ALCAM: variants seen among roughly 807,000 people sequenced by gnomAD.
ALCAM encodes CD166 antigen.
A neutral mutation model predicts 70.9 loss-of-function variants in ALCAM; 30 were observed. The ratio of observed to expected loss-of-function variants is 0.42; its 90% CI spans 0.32 to 0.57. ALCAM has a LOEUF of 0.57. Ranked by LOEUF, ALCAM falls within the 20% of genes least tolerant of loss-of-function variation. ALCAM has a pLI of 0.11. For missense variants in ALCAM, 591 were observed against 695.1 expected (o/e 0.85, Z 1.68); for synonymous variants, 249 against 242.5 (o/e 1.03, Z -0.25).
intron 6 of ALCAM, among the ~76,000 whole-genome samples, chr3:105,537,483 G>C (rs1242766476): frequency 6.6e-6 from 1 of 152,042 alleles, no homozygotes. Flanking sequence ...ATTGCAGTAT[G>C]CCTTGAGTTC....
intron 1 of ALCAM, among the ~76,000 whole-genome samples, chr3:105,409,262 C>T (rs1037215891): frequency 1.1e-4 from 17 of 151,996 alleles, no homozygotes; most frequent in Non-Finnish European, 2.4e-4. Flanking sequence ...TATAGCAGCA[C>T]AATTTACAAT....
At chr3:105,436,224 A>C (rs1476137089) in intron 1 of ALCAM, among the ~76,000 whole-genome samples, 1 of 152,212 alleles carries the variant, frequency 6.6e-6, no homozygotes, top group East Asian at 1.9e-4. Flanking sequence ...AAACCATATT[A>C]GTTTGGTTTT....
chr3:105,525,130 C>A (rs547691239), intron 3 of ALCAM: 400 of 981,582 alleles, frequency 4.1e-4, no homozygotes, highest in Non-Finnish European at 4.7e-4. Context: ...AAAAAGTATT[C>A]ACTTGCTTTA....
chr3:105,424,590 G>A (rs1016035950), intron 1 of ALCAM, among the ~76,000 whole-genome samples: 13 of 151,594 alleles, frequency 8.6e-5, no homozygotes, highest in Admixed American at 7.3e-4. Context: ...GAAAAGACAG[G>A]CATTATAATA....
chr3:105,461,016 A>G (rs553944669), intron 1 of ALCAM, among the ~76,000 whole-genome samples: 10 of 140,662 alleles, frequency 7.1e-5, no homozygotes, highest in Admixed American at 2.1e-4. Context: ...GTGTGTGTGT[A>G]TGTGTGTCTG....
chr3:105,533,460 T>C, intron 4 of ALCAM, 143 bp from the exon 5 acceptor site: 3 of 493,060 alleles, frequency 6.1e-6, no homozygotes, highest in Non-Finnish European at 1.1e-5. Context: ...CCAGAGAGCA[T>C]GTATTCAGTC....
chr3:105,498,649 G>A (rs1256485768), intron 1 of ALCAM, among the ~76,000 whole-genome samples: 1 of 152,044 alleles, frequency 6.6e-6, no homozygotes, highest in Non-Finnish European at 1.5e-5. Flanking sequence ...ACACTTCAAA[G>A]TTTTGTGCTT....
intron 15 of ALCAM, among the ~76,000 whole-genome samples, chr3:105,572,770 T>C (rs1314225463): frequency 1.3e-5 from 2 of 152,172 alleles, no homozygotes; most frequent in African/African-American, 2.4e-5. Context: ...AAGGAAACTT[T>C]CGTGACTCAG....
At chr3:105,414,809 G>T (rs907807664) in intron 1 of ALCAM, among the ~76,000 whole-genome samples, 1 of 151,952 alleles carries the variant, frequency 6.6e-6, no homozygotes, top group Non-Finnish European at 1.5e-5. Context: ...TGTATATATT[G>T]GGAATACATC....
intron 14 of ALCAM, among the ~76,000 whole-genome samples, chr3:105,559,078 A>C (rs1302902502): frequency 6.6e-6 from 1 of 151,716 alleles, no homozygotes; most frequent in Non-Finnish European, 1.5e-5. Context: ...ATTTTCTCTC[A>C]TTTAAGGTTA....
At chr3:105,458,711 C>T (rs958692754) in intron 1 of ALCAM, among the ~76,000 whole-genome samples, 2 of 152,112 alleles carry the variant, frequency 1.3e-5, no homozygotes, top group African/African-American at 4.8e-5. Flanking sequence ...GGATATTAAA[C>T]CTGCTTTTCT....
intron 1 of ALCAM, among the ~76,000 whole-genome samples, chr3:105,426,851 A>G (rs1485105473): frequency 1.3e-5 from 2 of 151,942 alleles, no homozygotes; most frequent in Non-Finnish European, 2.9e-5. Context: ...AACAAAAAGG[A>G]ATCATAGGAA....
chr3:105,545,194 G>A, intron 8 of ALCAM, 29 bp from the exon 9 acceptor site: 2 of 1,370,200 alleles, frequency 1.5e-6, no homozygotes, highest in Non-Finnish European at 2.1e-6. Flanking sequence ...TTCAGAGTTA[G>A]CACTTTGAAC....
chr3:105,395,805 C>T (rs1935936998), intron 1 of ALCAM, among the ~76,000 whole-genome samples: 2 of 151,980 alleles, frequency 1.3e-5, no homozygotes, highest in Non-Finnish European at 2.9e-5. Flanking sequence ...TGTCTCAATT[C>T]CTCAGCTCTT....
intron 1 of ALCAM, among the ~76,000 whole-genome samples, chr3:105,385,580 T>C (rs1293976180): frequency 1.3e-5 from 2 of 151,692 alleles, no homozygotes; most frequent in East Asian, 3.9e-4. Flanking sequence ...CTCTTCTCGA[T>C]AACTAACATT....
chr3:105,565,143 C>T (rs992822677), intron 14 of ALCAM, among the ~76,000 whole-genome samples: 5 of 152,058 alleles, frequency 3.3e-5, no homozygotes, highest in African/African-American at 1.2e-4. Flanking sequence ...AGAGCAAGAC[C>T]CCATCTCTGG....
At chr3:105,381,379 A>G (rs1935514906) in intron 1 of ALCAM, among the ~76,000 whole-genome samples, 1 of 151,922 alleles carries the variant, frequency 6.6e-6, no homozygotes, top group African/African-American at 2.4e-5. Context: ...TCCACTCAAA[A>G]AAGAGAATCT....
At chr3:105,456,219 A>G (rs963844676) in intron 1 of ALCAM, among the ~76,000 whole-genome samples, 1 of 152,210 alleles carries the variant, frequency 6.6e-6, no homozygotes, top group African/African-American at 2.4e-5. Context: ...GAGTTGTAAC[A>G]CTGCCAGAGC....
At chr3:105,453,067 T>A (rs921328063) in intron 1 of ALCAM, among the ~76,000 whole-genome samples, 1 of 152,240 alleles carries the variant, frequency 6.6e-6, no homozygotes, top group Admixed American at 6.5e-5. Flanking sequence ...GCAGAAGCTC[T>A]TTAGTTTAAT....
Sources: gnomAD v4.1 joint callset for allele counts (sites outside exome capture counted in the v4.1 genomes callset) on GRCh38, gnomAD v4.1.1 for gene constraint, MANE v1.5 for transcripts, NCBI Gene and HGNC (gene_info 2026-07-23, HGNC 2026-07-21) for gene names.